Variants in AKT1 observed in about 807,000 individuals in gnomAD.
AKT1 encodes AKT serine/threonine kinase 1, also known as RAC-alpha serine/threonine-protein kinase.
Under a neutral mutation model 63.1 loss-of-function variants are expected in AKT1, and 21 were observed. The observed-to-expected ratio is 0.33, with a 90% CI of 0.24 to 0.48. The LOEUF (loss-of-function observed/expected upper bound fraction) is 0.48, where lower values mean the gene tolerates loss of function less well. Ranked by LOEUF, AKT1 falls within the 20% of genes least tolerant of loss-of-function variation. The pLI is 0.99. For synonymous variants in AKT1, 257 were observed against 253.1 expected (o/e 1.02, Z -0.15); for missense variants, 382 against 666.0 (o/e 0.57, Z 4.69).
rs1010282841 is a variant in AKT1 at position 104,774,735 on chromosome 14, C to T, written c.633+203G>A. 26 of 617,022 alleles carry T rather than the reference C, an allele frequency of 4.2e-5. No homozygotes were observed. In the Admixed American group the frequency reaches 6.8e-4, roughly 16 times the overall value. The allele number at this position is 617,022 out of a possible 1,614,324, so 38.2% of individuals were successfully genotyped here. A position where few individuals can be genotyped will look rare whatever the true frequency, so the allele number is the denominator to read the frequency against. On this transcript the variant is annotated intron_variant, in intron 8 of 14. Transcript: ENST00000649815. ...CCTGCCCCACCCACCTGCCCGCACA[C>T]GGGAGCAGCGAGCACAGCCCCTAGC...
At chr14:104,785,585 C>T (rs894994459) in intron 3 of AKT1, among the ~76,000 whole-genome samples, 3 of 152,180 alleles carry the variant, frequency 2.0e-5, no homozygotes, top group Admixed American at 6.5e-5. Flanking sequence ...GCAGGCAGGG[C>T]GGGCAGGGCT....
At chr14:104,784,452 G>A (rs1044076173) in intron 3 of AKT1, among the ~76,000 whole-genome samples, 23 of 152,238 alleles carry the variant, frequency 1.5e-4, no homozygotes, top group Non-Finnish European at 2.9e-5. Flanking sequence ...CACCTCCTGG[G>A]CCCCACACAA....
At chr14:104,780,984 G>A (rs1415621239) in intron 3 of AKT1, among the ~76,000 whole-genome samples, 5 of 152,304 alleles carry the variant, frequency 3.3e-5, no homozygotes, top group South Asian at 2.1e-4. Flanking sequence ...TGCCGCCGTC[G>A]GCCCTGCCGC....
At chr14:104,774,239 C>T in intron 8 of AKT1, 1 of 547,760 alleles carries the variant, frequency 1.8e-6, no homozygotes, top group Non-Finnish European at 3.3e-6. Flanking sequence ...CCCCACACCA[C>T]ACTGCCCCAC....
chr14:104,771,545 C>T (rs896421226), intron 13 of AKT1: 1 of 232,414 alleles, frequency 4.3e-6, no homozygotes, highest in Non-Finnish European at 8.5e-6. Flanking sequence ...CCTTGGAGGG[C>T]AGGGCAGGAG....
intron 4 of AKT1, among the ~76,000 whole-genome samples, chr14:104,779,182 A>G (rs1481491807): frequency 6.6e-6 from 1 of 152,194 alleles, no homozygotes; most frequent in Non-Finnish European, 1.5e-5. Flanking sequence ...CGCTACAGGT[A>G]AGGAATAAAG....
intron 8 of AKT1, chr14:104,774,276 A>C: frequency 2.2e-6 from 1 of 464,462 alleles, no homozygotes; most frequent in Non-Finnish European, 4.0e-6. Flanking sequence ...CCACGCCACC[A>C]TCAGGCTGGG....
At chr14:104,780,005 C>A (rs750750528) in intron 4 of AKT1, 83 bp downstream of exon 4, 4 of 1,550,882 alleles carry the variant, frequency 2.6e-6, no homozygotes, top group East Asian at 4.5e-5. Flanking sequence ...CTCCAGGGGA[C>A]CCCCATCGTG....
intron 12 of AKT1, 105 bp from the exon 13 acceptor site, chr14:104,772,557 C>A: frequency 1.7e-6 from 2 of 1,179,226 alleles, no homozygotes; most frequent in South Asian, 1.3e-5. Flanking sequence ...CAGGACGTTC[C>A]GGGGCCAGGG....
chr14:104,770,427 G>A lies in AKT1; in HGVS notation c.1364-7C>T. On this transcript the variant is annotated splice_polypyrimidine_tract_variant and splice_region_variant and intron_variant, in intron 14 of 14. Transcript: ENST00000649815. ...ACACACTCCATGCTGTCATCTGTGG[G>A]TGTAGACAGCTCAGACCCCGGTGCC... 1 of 1,597,716 alleles carries A rather than the reference G, an allele frequency of 6.3e-7. No individual in the cohort carries two copies. The highest frequency in any genetic ancestry group is 1.1e-5 in the South Asian group (1 of 88,652).
At chr14:104,772,095 G>T in intron 13 of AKT1, 2 of 563,578 alleles carry the variant, frequency 3.5e-6, no homozygotes, top group South Asian at 4.1e-5. Flanking sequence ...ACACCTCCGA[G>T]GGGAGGAGGA....
At chr14:104,777,316 ACAGC>A (rs1315293981) in intron 4 of AKT1, 1 of 218,454 alleles carries the variant, frequency 4.6e-6, no homozygotes, top group Non-Finnish European at 9.0e-6. Context: ...CACCTGGGGC[ACAGC>A]CACACCTGGG....
At chr14:104,794,536 T>G (rs1893791338) in intron 1 of AKT1, 2 of 149,090 alleles carry the variant, frequency 1.3e-5, no homozygotes, top group South Asian at 4.3e-4. Flanking sequence ...CTTGCTACTA[T>G]TATTAAGTCA....
At chr14:104,780,021 TG>T (rs772710116) in intron 4 of AKT1, 66 bp downstream of exon 4, 6 of 1,581,456 alleles carry the variant, frequency 3.8e-6, no homozygotes, top group Non-Finnish European at 5.2e-6. Context: ...TCGTGGGGCC[TG>T]GTGGGCAAAG....
intron 3 of AKT1, among the ~76,000 whole-genome samples, chr14:104,781,455 G>A (rs920423747): frequency 2.6e-5 from 4 of 152,196 alleles, no homozygotes; most frequent in African/African-American, 4.8e-5. Context: ...TCCCAGCAGG[G>A]CAGCAGCCCC....
intron 3 of AKT1, among the ~76,000 whole-genome samples, chr14:104,787,852 A>G (rs1893416020): frequency 1.3e-5 from 2 of 152,234 alleles, no homozygotes; most frequent in South Asian, 4.1e-4. Flanking sequence ...TGGGGCCAGC[A>G]GTGACCCCTC....
At chr14:104,775,582 C>A in intron 6 of AKT1, 70 bp downstream of exon 6, 3 of 1,567,580 alleles carry the variant, frequency 1.9e-6, no homozygotes, top group South Asian at 2.3e-5. Context: ...AGCTGGGACC[C>A]CATGACCCAC....
In AKT1 at chr14:104,770,304, C is replaced by T. The variant is rs539258432; in HGVS notation, c.*37G>A. The T allele has an allele frequency of 5.7e-6, 9 of 1,588,354 alleles. No homozygotes were observed. The highest frequency in any genetic ancestry group is 1.3e-5 in the African/African-American group (1 of 74,786). ...TCATGGCACGAGGCCGCCTCTCCAT[C>T]CCTCCAAGCTATCGTCCAGCGCAGT... On this transcript the variant is annotated 3_prime_UTR_variant, in exon 15 of 15. Coordinates refer to ENST00000649815, the MANE Select transcript of AKT1 (RefSeq NM_001382430.1).
chr14:104,793,682 C>T (rs1285137161), intron 1 of AKT1: 1 of 165,384 alleles, frequency 6.0e-6, no homozygotes, highest in East Asian at 1.2e-4. Flanking sequence ...CAACCCTCAC[C>T]TGAGCACACT....
Sources: allele counts gnomAD v4.1 joint callset (sites outside exome capture counted in the v4.1 genomes callset), GRCh38; gene constraint gnomAD v4.1.1; transcripts MANE v1.5; gene names NCBI Gene and HGNC (gene_info 2026-07-23, HGNC 2026-07-21).